PTPN9: variants seen among roughly 807,000 people sequenced by gnomAD.
The protein encoded by PTPN9 is tyrosine-protein phosphatase non-receptor type 9.
Under a neutral mutation model 69.8 loss-of-function variants are expected in PTPN9, and 26 were observed. The ratio of observed to expected loss-of-function variants is 0.37; its 90% CI spans 0.27 to 0.52. The LOEUF is 0.52. Among genes scored for constraint, PTPN9 ranks in the 20% least tolerant of loss-of-function variants. The probability of loss-of-function intolerance (pLI) is 0.91; values close to 1 mark genes in which losing one functional copy is unlikely to be tolerated. For missense variants in PTPN9, 549 were observed against 740.3 expected (o/e 0.74, Z 3.00); for synonymous variants, 274 against 272.5 (o/e 1.01, Z -0.05).
chr15:75,538,945 G>A (rs2074996660), intron 1 of PTPN9, among the ~76,000 whole-genome samples: 1 of 151,712 alleles, frequency 6.6e-6, no homozygotes. Context: ...TGAGGCAGGA[G>A]GATCACTTGA....
intron 1 of PTPN9, among the ~76,000 whole-genome samples, chr15:75,568,544 C>G (rs2064184608): frequency 6.8e-6 from 1 of 147,838 alleles, no homozygotes; most frequent in Admixed American, 6.8e-5. Context: ...AAAAAAACAA[C>G]CTAATGCTGG....
intron 7 of PTPN9, among the ~76,000 whole-genome samples, chr15:75,503,005 G>A (rs1024987497): frequency 6.6e-6 from 1 of 152,112 alleles, no homozygotes; most frequent in African/African-American, 2.4e-5. Context: ...TCTCCCAGCC[G>A]CCTGCCTTGG....
Position 75,524,307 on chromosome 15 carries a change from G to A in PTPN9, c.208-9C>T, listed in dbSNP as rs540048160. 3.8e-6 allele frequency: 6 copies of A among 1,570,826 alleles called. No homozygotes were observed. The highest frequency in any genetic ancestry group is 1.3e-5 in the African/African-American group (1 of 74,094). ...TCCTTCCTTCGAGTTTCCTAAAAAG[G>A]AAGCACAGCAAAATGTATTAATATG... On this transcript the variant is annotated splice_polypyrimidine_tract_variant and intron_variant, in intron 2 of 12. Transcript: ENST00000618819.
intron 7 of PTPN9, among the ~76,000 whole-genome samples, chr15:75,500,012 T>C (rs1021603117): frequency 6.6e-6 from 1 of 152,064 alleles, no homozygotes; most frequent in African/African-American, 2.4e-5. Flanking sequence ...ACCCCATCTC[T>C]ACTAAAAATA....
chr15:75,480,060 C>G, intron 8 of PTPN9, 146 bp from the exon 9 acceptor site: 1 of 560,312 alleles, frequency 1.8e-6, no homozygotes, highest in South Asian at 2.3e-5. Context: ...CAGCTCAAAC[C>G]CTCACTTCAA....
At chr15:75,471,845 G>A (rs1264532532) in intron 10 of PTPN9, among the ~76,000 whole-genome samples, 1 of 151,848 alleles carries the variant, frequency 6.6e-6, no homozygotes, top group Non-Finnish European at 1.5e-5. Context: ...CTGGGAGGCG[G>A]AGGTTGCAGT....
chr15:75,525,617 G>A (rs1305154007), intron 2 of PTPN9, among the ~76,000 whole-genome samples: 1 of 151,064 alleles, frequency 6.6e-6, no homozygotes, highest in Non-Finnish European at 1.5e-5. Context: ...TTCATCAACC[G>A]CTTGTTTTAA....
intron 1 of PTPN9, among the ~76,000 whole-genome samples, chr15:75,552,037 A>G (rs986059612): frequency 2.7e-5 from 4 of 150,060 alleles, no homozygotes; most frequent in African/African-American, 9.8e-5. Context: ...GTGAGACTCC[A>G]TCTCAAAAAA....
In PTPN9 at chr15:75,523,895, A is replaced by T. The variant is rs115522506; in HGVS notation, c.297+314T>A. On this transcript the variant is annotated intron_variant, in intron 3 of 12. Coordinates refer to ENST00000618819, the MANE Select transcript of PTPN9 (RefSeq NM_002833.4). Reference sequence around the variant, plus strand: ...ATACCAAACTGCATGGCTGTTTCACATCTGCTCCTAACTGTGGAGACTCTC... The same window carrying T: ...ATACCAAACTGCATGGCTGTTTCACTTCTGCTCCTAACTGTGGAGACTCTC... Among the ~76,000 whole-genome samples, 1,289 of 152,214 alleles carry T rather than the reference A, an allele frequency of 8.5e-3. 19 individuals are homozygous for T. The highest frequency in any genetic ancestry group is 0.029 in the African/African-American group (1,189 of 41,532).
intron 7 of PTPN9, among the ~76,000 whole-genome samples, chr15:75,504,912 A>G (rs1233176748): frequency 4.7e-5 from 7 of 148,316 alleles, no homozygotes; most frequent in Non-Finnish European, 9.0e-5. Context: ...CACCCCTACT[A>G]GGAAGTGAGG....
chr15:75,470,914 C>A, intron 10 of PTPN9, 84 bp from the exon 11 acceptor site: 2 of 1,499,042 alleles, frequency 1.3e-6, no homozygotes, highest in Admixed American at 2.1e-5. Context: ...TGATATACCC[C>A]CAGGCAGCAA....
At position 75,530,349 on chromosome 15, in the gene PTPN9, C is replaced by T. The variant is rs190766641; in HGVS notation, c.64-3088G>A. On this transcript the variant is annotated intron_variant, in intron 1 of 12. Coordinates refer to ENST00000618819, the MANE Select transcript of PTPN9 (RefSeq NM_002833.4). ...GCCAATTCAAGATCAGCCTGGCCAA[C>T]GTAGTGAGATCCTGTCTCTATAATA... Among the ~76,000 whole-genome samples, 310 of 134,476 alleles carry T rather than the reference C, an allele frequency of 2.3e-3. 1 individual carries two copies. The highest frequency in any genetic ancestry group is 6.4e-3 in the Admixed American group (73 of 11,344). The allele number at this position is 134,476 out of a possible 152,430, so 88.2% of individuals were successfully genotyped here.
intron 7 of PTPN9, among the ~76,000 whole-genome samples, chr15:75,492,666 G>T (rs2141300879): frequency 6.6e-6 from 1 of 152,274 alleles, no homozygotes; most frequent in Non-Finnish European, 1.5e-5. Flanking sequence ...CAAAAAGCTA[G>T]TTGTCTGATC....
chr15:75,562,780 G>C (rs188141157), intron 1 of PTPN9, among the ~76,000 whole-genome samples: 2 of 116,374 alleles, frequency 1.7e-5, no homozygotes, highest in Non-Finnish European at 3.4e-5. Context: ...ATGACAGAGC[G>C]AGACTCGTTT....
At chr15:75,559,208 G>A (rs539626365) in intron 1 of PTPN9, among the ~76,000 whole-genome samples, 20 of 151,804 alleles carry the variant, frequency 1.3e-4, no homozygotes, top group African/African-American at 3.4e-4. Flanking sequence ...CCCTCCGCCC[G>A]GCAGCCGCCC....
At chr15:75,574,224 G>A (rs1205471554) in intron 1 of PTPN9, among the ~76,000 whole-genome samples, 3 of 150,174 alleles carry the variant, frequency 2.0e-5, no homozygotes, top group Non-Finnish European at 1.5e-5. Context: ...GGTTGAGGCT[G>A]TAATGAGCCG....
intron 1 of PTPN9, among the ~76,000 whole-genome samples, chr15:75,576,519 C>T (rs1567534047): frequency 6.6e-6 from 1 of 150,680 alleles, no homozygotes; most frequent in Non-Finnish European, 1.5e-5. Context: ...GCAACAAAAC[C>T]CAAACTCCGG....
chr15:75,482,027 T>G (rs1264441273), intron 8 of PTPN9, among the ~76,000 whole-genome samples: 5 of 145,128 alleles, frequency 3.4e-5, no homozygotes, highest in South Asian at 2.3e-4. Flanking sequence ...GGGGGAAAGG[T>G]GGGGAAAAGA....
intron 7 of PTPN9, among the ~76,000 whole-genome samples, chr15:75,498,829 C>G (rs2074757801): frequency 6.6e-6 from 1 of 152,174 alleles, no homozygotes; most frequent in Non-Finnish European, 1.5e-5. Flanking sequence ...GGTGACAGAA[C>G]TCTGTATCTT....
Sources: gnomAD v4.1 joint callset for allele counts (sites outside exome capture counted in the v4.1 genomes callset) on GRCh38, gnomAD v4.1.1 for gene constraint, MANE v1.5 for transcripts, NCBI Gene and HGNC (gene_info 2026-07-23, HGNC 2026-07-21) for gene names.